Variants in SDK1 observed in about 807,000 individuals in gnomAD.
SDK1 encodes sidekick cell adhesion molecule 1.
A neutral mutation model predicts 245.5 loss-of-function variants in SDK1; 157 were observed. The ratio of observed to expected loss-of-function variants is 0.64; its 90% CI spans 0.56 to 0.73. The LOEUF is 0.73. Ranked by LOEUF, SDK1 falls within the 30% of genes least tolerant of loss-of-function variation. The pLI is 0.00. For missense variants in SDK1, 3,583 were observed against 3,002.3 expected, an observed-to-expected ratio of 1.19 and a Z score of -4.52; for synonymous variants, 1,647 against 1,278.5, an observed-to-expected ratio of 1.29 and a Z score of -6.15.
At chr7:3,978,263 A>G (rs1187783475) in intron 13 of SDK1, among the ~76,000 whole-genome samples, 1 of 152,206 alleles carries the variant, frequency 6.6e-6, no homozygotes, top group East Asian at 1.9e-4. Flanking sequence ...GCCAAATTGC[A>G]TACTTCCAAT....
At chr7:4,003,980 T>C (rs958739430) in intron 14 of SDK1, among the ~76,000 whole-genome samples, 1 of 152,236 alleles carries the variant, frequency 6.6e-6, no homozygotes, top group Non-Finnish European at 1.5e-5. Flanking sequence ...AACAATGAGA[T>C]GTGGAGTTTG....
chr7:4,139,158 TTCTTC>T (rs1257382331), intron 28 of SDK1, among the ~76,000 whole-genome samples: 64 of 148,964 alleles, frequency 4.3e-4, no homozygotes, highest in African/African-American at 1.5e-3. Context: ...GTTCATCAGC[TTCTTC>T]TCCGTGTCAC....
intron 1 of SDK1, among the ~76,000 whole-genome samples, chr7:3,342,848 C>T (rs1176298314): frequency 6.6e-6 from 1 of 151,832 alleles, no homozygotes; most frequent in Admixed American, 6.6e-5. Flanking sequence ...AAAAACAATC[C>T]AGTTGGAAAA....
chr7:3,764,957 T>A (rs1432310110), intron 4 of SDK1, among the ~76,000 whole-genome samples: 1 of 152,164 alleles, frequency 6.6e-6, no homozygotes, highest in African/African-American at 2.4e-5. Flanking sequence ...TAGTCTAATA[T>A]GTAAGGTTTA....
chr7:3,954,583 A>G (rs1195242720), intron 7 of SDK1, among the ~76,000 whole-genome samples: 1 of 54,530 alleles, frequency 1.8e-5, no homozygotes, highest in Non-Finnish European at 3.3e-5. Flanking sequence ...CCTCCCCTCT[A>G]TACTCTCCGC....
intron 5 of SDK1, among the ~76,000 whole-genome samples, chr7:3,913,071 A>C (rs756013375): frequency 2.6e-5 from 4 of 152,116 alleles, no homozygotes; most frequent in Non-Finnish European, 5.9e-5. Context: ...ATGACAGGGA[A>C]AACAGTTAAA....
In SDK1 at chr7:3,986,871, A is replaced by G. The variant is rs116021549; in HGVS notation, c.1995-315A>G. ...CGAGACTTGGTCTTATAAAAAACAGAAAATAATAATGTATGTGTAAACGTC... is the reference window on the plus strand; with the variant it reads ...CGAGACTTGGTCTTATAAAAAACAGGAAATAATAATGTATGTGTAAACGTC... On this transcript the variant is annotated intron_variant, in intron 13 of 44. Coordinates refer to ENST00000404826, the MANE Select transcript of SDK1 (RefSeq NM_152744.4). Among the ~76,000 whole-genome samples, 990 of 152,278 alleles carry G rather than the reference A, an allele frequency of 6.5e-3. 8 individuals carry two copies. Among genetic ancestry groups the G allele is most frequent in the African/African-American group, 0.023 (952 of 41,552 alleles).
intron 1 of SDK1, among the ~76,000 whole-genome samples, chr7:3,422,417 T>C (rs931930148): frequency 1.3e-5 from 2 of 152,186 alleles, no homozygotes; most frequent in Admixed American, 6.5e-5. Flanking sequence ...TGTTAGTAGG[T>C]TGTGAAGCTA....
chr7:3,880,543 C>CTTTT (rs5882008), intron 5 of SDK1, among the ~76,000 whole-genome samples: 12 of 92,044 alleles, frequency 1.3e-4, no homozygotes, highest in South Asian at 4.6e-4. Context: ...ATGCCCTGGT[C>CTTTT]TTTTTTTTTT....
intron 1 of SDK1, among the ~76,000 whole-genome samples, chr7:3,414,425 G>A (rs1048287694): frequency 2.0e-5 from 3 of 152,144 alleles, no homozygotes; most frequent in African/African-American, 7.2e-5. Context: ...AGAGCATCCA[G>A]CGAAGGTGGG....
At chr7:3,995,191 A>G (rs1198374026) in intron 14 of SDK1, among the ~76,000 whole-genome samples, 1 of 151,970 alleles carries the variant, frequency 6.6e-6, no homozygotes, top group Non-Finnish European at 1.5e-5. Context: ...ATTCCTCCGG[A>G]TTCCCTGGGC....
chr7:3,699,240 A>G (rs1244465325), intron 4 of SDK1, among the ~76,000 whole-genome samples: 1 of 152,226 alleles, frequency 6.6e-6, no homozygotes, highest in Admixed American at 6.5e-5. Flanking sequence ...TCATAACAAG[A>G]ACCAAGAATA....
chr7:3,317,426 C>G (rs1038785485), intron 1 of SDK1, among the ~76,000 whole-genome samples: 1 of 152,046 alleles, frequency 6.6e-6, no homozygotes, highest in African/African-American at 2.4e-5. Context: ...AATTGGGGAG[C>G]AAGAATTCCT....
At chr7:3,795,287 G>C (rs959106231) in intron 4 of SDK1, among the ~76,000 whole-genome samples, 1 of 152,122 alleles carries the variant, frequency 6.6e-6, no homozygotes. Context: ...AGGCATGTTG[G>C]ATAGGGTGTC....
At chr7:3,759,556 T>C (rs1011476507) in intron 4 of SDK1, among the ~76,000 whole-genome samples, 2 of 151,298 alleles carry the variant, frequency 1.3e-5, no homozygotes, top group Non-Finnish European at 2.9e-5. Context: ...TTTTTAGTTT[T>C]CTCTGTTTTT....
chr7:3,358,856 CTT>C (rs1363924677), intron 1 of SDK1, among the ~76,000 whole-genome samples: 1 of 152,154 alleles, frequency 6.6e-6, no homozygotes, highest in Non-Finnish European at 1.5e-5. Context: ...ATTATTTCCT[CTT>C]TTCAATTTCA....
intron 1 of SDK1, among the ~76,000 whole-genome samples, chr7:3,599,704 T>C (rs1781193776): frequency 6.6e-6 from 1 of 152,204 alleles, no homozygotes; most frequent in Non-Finnish European, 1.5e-5. Flanking sequence ...GCATCATTTG[T>C]TTAAAAGTCT....
At chr7:3,714,428 A>C (rs925613559) in intron 4 of SDK1, among the ~76,000 whole-genome samples, 6 of 152,178 alleles carry the variant, frequency 3.9e-5, no homozygotes, top group African/African-American at 1.4e-4. Context: ...TACCTGTTTA[A>C]ATATGAACTA....
At chr7:4,260,925 C>G (rs1015155194) in intron 44 of SDK1, among the ~76,000 whole-genome samples, 2 of 152,224 alleles carry the variant, frequency 1.3e-5, no homozygotes, top group African/African-American at 4.8e-5. Flanking sequence ...TGTCTTACGT[C>G]TGCAATTCTC....
Sources: gnomAD v4.1 joint callset for allele counts (sites outside exome capture counted in the v4.1 genomes callset) on GRCh38, gnomAD v4.1.1 for gene constraint, MANE v1.5 for transcripts, NCBI Gene and HGNC (gene_info 2026-07-23, HGNC 2026-07-21) for gene names.